CHCHD7: variants seen among roughly 807,000 people sequenced by gnomAD.
The protein encoded by CHCHD7 is coiled-coil-helix-coiled-coil-helix domain-containing protein 7.
Under a neutral mutation model 10.5 loss-of-function variants are expected in CHCHD7, and 7 were observed. The ratio of observed to expected loss-of-function variants is 0.67; its 90% confidence interval spans 0.38 to 1.25. The LOEUF is 1.25. CHCHD7 is among the 50% of genes most tolerant of loss of function. CHCHD7 has a pLI of 0.02. For missense variants in CHCHD7, 100 were observed against 104.5 expected, an observed-to-expected ratio of 0.96 and a Z score of 0.19; for synonymous variants, 40 against 36.0, an observed-to-expected ratio of 1.11 and a Z score of -0.40.
At chr8:56,214,395 A>ATGGCCTT in intron 1 of CHCHD7, 1 of 444,756 alleles carries the variant, frequency 2.2e-6, no homozygotes. Context: ...AATCCAATAT[A>ATGGCCTT]TGGCCTTTGT....
At position 56,218,687 on chromosome 8, in the gene CHCHD7, C is replaced by T. The variant is rs1031047041; in HGVS notation, c.*1252C>T. On this transcript the variant is annotated 3_prime_UTR_variant, in exon 4 of 4. Transcript: ENST00000355315. ...AATAGGACCAGAAAAGAATGAATGC[C>T]TACCTGTGTAAGAAGTATTTTTGTA... 5.0e-6 allele frequency: 1 copy of T among 201,060 alleles called. No individual in the cohort carries two copies. The highest frequency in any genetic ancestry group is 6.0e-5 in the Admixed American group (1 of 16,606). The allele number at this position is 201,060 out of a possible 1,614,324, so 12.5% of individuals were successfully genotyped here.
chr8:56,214,579 T>A lies in CHCHD7; in HGVS notation c.-16-19T>A. 6.3e-7 allele frequency: 1 copy of A among 1,591,370 alleles called. No individual in the cohort carries two copies. Among genetic ancestry groups the A allele is most frequent in the Non-Finnish European group, 8.6e-7 (1 of 1,161,114 alleles). On this transcript the variant is annotated intron_variant, in intron 1 of 3. Coordinates refer to ENST00000355315, the MANE Select transcript of CHCHD7 (RefSeq NM_001011671.3). ...TCTGTCAACTACTGTATAATTATTT[T>A]TTTTCTGTCTACCCTCAGTAAGAAG...
intron 1 of CHCHD7, chr8:56,212,971 G>C: frequency 9.8e-7 from 1 of 1,019,450 alleles, no homozygotes; most frequent in South Asian, 1.4e-5. Context: ...TTTCATGTAA[G>C]GCACGAAACT....
chr8:56,212,703 C>A, intron 1 of CHCHD7: 1 of 618,518 alleles, frequency 1.6e-6, no homozygotes, highest in Non-Finnish European at 2.9e-6. Flanking sequence ...GCGGAGCACT[C>A]GATGTTGTAA....
At chr8:56,213,860 A>G (rs564146519) in intron 1 of CHCHD7, 9 of 152,312 alleles carry the variant, frequency 5.9e-5, no homozygotes, top group Admixed American at 2.6e-4. Flanking sequence ...CTACCCTACT[A>G]TTGGCCATAA....
At chr8:56,212,505 A>G (rs1180483881) in intron 1 of CHCHD7, 1 of 201,990 alleles carries the variant, frequency 5.0e-6, no homozygotes. Flanking sequence ...ATGGGAAATC[A>G]GGAACTGCTT....
chr8:56,214,491 A>T, intron 1 of CHCHD7, 107 bp from the exon 2 acceptor site: 5 of 721,560 alleles, frequency 6.9e-6, no homozygotes, highest in African/African-American at 1.8e-5. Flanking sequence ...TCACTAAGTG[A>T]TCATTATGCC....
At position 56,217,592 on chromosome 8, in the gene CHCHD7, C is replaced by G. The variant is rs535470318; in HGVS notation, c.*157C>G. 1.7e-5 allele frequency: 9 copies of G among 530,792 alleles called. No individual in the cohort carries two copies. The highest frequency in any genetic ancestry group is 2.7e-5 in the Non-Finnish European group (8 of 298,258). 32.9% of individuals were successfully genotyped at this position (530,792 alleles called of 1,614,324 possible). On this transcript the variant is annotated 3_prime_UTR_variant, in exon 4 of 4. Transcript: ENST00000355315. ...TCACCCCGTGTCCTTTTTGCTTGCT[C>G]TCAGTGCCATGCCGATGGTATGTTG...
intron 1 of CHCHD7, chr8:56,212,972 G>T (rs1254074312): frequency 6.9e-6 from 7 of 1,011,120 alleles, no homozygotes; most frequent in Non-Finnish European, 1.1e-5. Context: ...TTCATGTAAG[G>T]CACGAAACTT....
At chr8:56,213,721 TC>T in intron 1 of CHCHD7, 1 of 152,366 alleles carries the variant, frequency 6.6e-6, no homozygotes, top group Admixed American at 6.5e-5. Context: ...TTCCCTGACT[TC>T]CTGCAACGCA....
intron 2 of CHCHD7, 94 bp downstream of exon 2, chr8:56,214,761 A>G (rs1585854983): frequency 2.3e-6 from 2 of 868,986 alleles, no homozygotes; most frequent in Admixed American, 4.4e-5. Flanking sequence ...TTGTTGAATA[A>G]AGTTATTTCT....
At position 56,217,571 on chromosome 8, in the gene CHCHD7, C is replaced by G; in HGVS notation, c.*136C>G. On this transcript the variant is annotated 3_prime_UTR_variant, in exon 4 of 4. Transcript: ENST00000355315. ...CTTCAAGTGGAGACAGTGAAGTCACCCCGTGTCCTTTTTGCTTGCTCTCAG... is the reference window on the plus strand; with the variant it reads ...CTTCAAGTGGAGACAGTGAAGTCACGCCGTGTCCTTTTTGCTTGCTCTCAG... 1.8e-6 allele frequency: 1 copy of G among 558,872 alleles called. No individual in the cohort carries two copies. The highest frequency in any genetic ancestry group is 3.1e-6 in the Non-Finnish European group (1 of 318,092). 34.6% of individuals were successfully genotyped at this position (558,872 alleles called of 1,614,324 possible).
chr8:56,217,297 G>C, intron 3 of CHCHD7, 34 bp from the exon 4 acceptor site: 1 of 1,342,116 alleles, frequency 7.5e-7, no homozygotes, highest in South Asian at 1.2e-5. Flanking sequence ...ACTGATTTTG[G>C]TTTCTTCTTT....
chr8:56,216,565 C>G lies in CHCHD7; in HGVS notation c.153+34C>G, dbSNP rs200715021. 13 of 1,612,852 alleles carry G rather than the reference C, an allele frequency of 8.1e-6. No homozygotes were observed. In the East Asian group the frequency reaches 2.7e-4, roughly 33 times the overall value. On this transcript the variant is annotated intron_variant, in intron 3 of 3. Transcript: ENST00000355315. Reference sequence around the variant, plus strand: ...AGATTGGTTAGCTTTGTGTTAAAACCCATCTCCTAGGGTTGAAACTGAAGC... The same window carrying G: ...AGATTGGTTAGCTTTGTGTTAAAACGCATCTCCTAGGGTTGAAACTGAAGC...
chr8:56,213,140 A>T (rs756095998), intron 1 of CHCHD7: 4 of 354,180 alleles, frequency 1.1e-5, no homozygotes, highest in Non-Finnish European at 2.0e-5. Context: ...GTGTGGAAAA[A>T]AATTGTCTTC....
At chr8:56,212,809 A>G (rs781204363) in intron 1 of CHCHD7, 19 of 1,390,194 alleles carry the variant, frequency 1.4e-5, no homozygotes, top group East Asian at 2.3e-5. Flanking sequence ...CGGAAATCCA[A>G]ACTTAGAGTG....
Position 56,217,640 on chromosome 8 carries a change from A to G in CHCHD7, c.*205A>G. The G allele has an allele frequency of 4.6e-6, 2 of 438,648 alleles. No homozygotes were observed. Among genetic ancestry groups the G allele is most frequent in the Non-Finnish European group, 8.2e-6 (2 of 243,508 alleles). 27.2% of individuals were successfully genotyped at this position (438,648 alleles called of 1,614,324 possible). A position where few individuals can be genotyped will look rare whatever the true frequency, so the allele number is the denominator to read the frequency against. ...TTGCTGTTGGCTGTGTTGTGGCATG[A>G]GTTTGCATGACTTTCTGGAGGCATG... On this transcript the variant is annotated 3_prime_UTR_variant, in exon 4 of 4. Coordinates refer to ENST00000355315, the MANE Select transcript of CHCHD7 (RefSeq NM_001011671.3).
At chr8:56,215,370 C>G (rs73596236) in intron 2 of CHCHD7, 1 of 152,024 alleles carries the variant, frequency 6.6e-6, no homozygotes, top group Admixed American at 6.6e-5. Flanking sequence ...TAAAGCTTTC[C>G]TTTAGATCTG....
intron 1 of CHCHD7, chr8:56,212,265 C>T (rs144995660): frequency 1.3e-5 from 2 of 153,588 alleles, no homozygotes; most frequent in African/African-American, 2.4e-5. Context: ...CTTCGTTTCT[C>T]CTTGCCCTGC....
Sources: gnomAD v4.1 joint callset for allele counts on GRCh38, gnomAD v4.1.1 for gene constraint, MANE v1.5 for transcripts, NCBI Gene and HGNC (gene_info 2026-07-23, HGNC 2026-07-21) for gene names.